The following FDFT1 variants were observed in gnomAD, a reference collection of about 807,000 sequenced individuals.
FDFT1 encodes the protein squalene synthase.
Under a neutral mutation model 46.8 loss-of-function variants are expected in FDFT1, and 68 were observed. The ratio of observed to expected loss-of-function variants is 1.45; its 90% CI spans 1.19 to 1.78. The LOEUF (loss-of-function observed/expected upper bound fraction) is 1.78. Among genes scored for constraint, FDFT1 ranks in the 40% most tolerant of loss-of-function variants. The pLI, the probability that FDFT1 is intolerant of heterozygous loss-of-function variation, is 0.00. For synonymous variants in FDFT1, 351 were observed against 185.1 expected (o/e 1.90, Z -7.28); for missense variants, 928 against 524.4 (o/e 1.77, Z -7.52).
At chr8:11,814,584 T>C (rs1397904105) in intron 3 of FDFT1, among the ~76,000 whole-genome samples, 1 of 152,226 alleles carries the variant, frequency 6.6e-6, no homozygotes, top group African/African-American at 2.4e-5. Context: ...TGTATTGTAT[T>C]TTGCTAACCT....
upstream of FDFT1, among the ~76,000 whole-genome samples, chr8:11,797,741 G>C (rs1382773745): frequency 1.3e-5 from 2 of 151,816 alleles, no homozygotes; most frequent in African/African-American, 4.8e-5. Flanking sequence ...TCCTGAAGCA[G>C]ATTCCACCTG....
chr8:11,834,921 C>A (rs555135587), intron 7 of FDFT1, among the ~76,000 whole-genome samples: 1 of 152,264 alleles, frequency 6.6e-6, no homozygotes, highest in Admixed American at 6.5e-5. Context: ...GTAAGGAGTT[C>A]GAGACCAGCC....
intron 7 of FDFT1, among the ~76,000 whole-genome samples, chr8:11,836,134 CAG>C (rs1025589928): frequency 7.0e-6 from 1 of 143,706 alleles, no homozygotes; most frequent in African/African-American, 2.6e-5. Flanking sequence ...GCCTGGGTGA[CAG>C]AGCGAGACAC....
intron 1 of FDFT1, chr8:11,803,448 T>C (rs1330660244): frequency 1.6e-6 from 2 of 1,283,098 alleles, no homozygotes; most frequent in African/African-American, 3.0e-5. Context: ...AGTTTTAAAA[T>C]CGCCTATCTA....
chr8:11,801,025 C>A (rs978254994), upstream of FDFT1, among the ~76,000 whole-genome samples: 2 of 152,010 alleles, frequency 1.3e-5, no homozygotes, highest in Non-Finnish European at 2.9e-5. Flanking sequence ...GCAAGTAGAC[C>A]CCCACTGGGA....
At chr8:11,838,287 TA>T in intron 7 of FDFT1, 100 bp from the exon 8 acceptor site, 2 of 873,752 alleles carry the variant, frequency 2.3e-6, no homozygotes, top group Non-Finnish European at 3.8e-6. Flanking sequence ...TCCTCATTGG[TA>T]AAATGGGTAT....
At chr8:11,814,521 G>A (rs1808175216) in intron 3 of FDFT1, among the ~76,000 whole-genome samples, 1 of 152,168 alleles carries the variant, frequency 6.6e-6, no homozygotes, top group South Asian at 2.1e-4. Context: ...TCTCTTCACT[G>A]TTTGCAGTAT....
At chr8:11,809,420 C>T in intron 2 of FDFT1, 5 of 1,229,776 alleles carry the variant, frequency 4.1e-6, no homozygotes, top group Non-Finnish European at 4.1e-6. Flanking sequence ...AAATGCAACT[C>T]ACTTCTGGGA....
intron 3 of FDFT1, among the ~76,000 whole-genome samples, chr8:11,814,470 C>T (rs908456793): frequency 2.6e-5 from 4 of 151,646 alleles, no homozygotes; most frequent in African/African-American, 9.8e-5. Flanking sequence ...TTTCTGTAAA[C>T]ACAGACCAGG....
intron 3 of FDFT1, among the ~76,000 whole-genome samples, chr8:11,810,746 G>T (rs1295478874): frequency 2.0e-5 from 3 of 152,082 alleles, no homozygotes; most frequent in African/African-American, 7.2e-5. Context: ...ATTTAGCAAA[G>T]TCACATGTTG....
At chr8:11,804,240 G>A (rs936575448) in intron 1 of FDFT1, among the ~76,000 whole-genome samples, 1 of 152,214 alleles carries the variant, frequency 6.6e-6, no homozygotes, top group African/African-American at 2.4e-5. Flanking sequence ...GGATCTGAGT[G>A]CAGTCAGACC....
upstream of FDFT1, among the ~76,000 whole-genome samples, chr8:11,797,325 T>G (rs1805659888): frequency 6.6e-6 from 1 of 152,212 alleles, no homozygotes; most frequent in Non-Finnish European, 1.5e-5. Flanking sequence ...TCCATTCGTA[T>G]GTTCAGCTTC....
chr8:11,825,336 G>A (rs957760488), intron 4 of FDFT1, among the ~76,000 whole-genome samples: 1 of 152,034 alleles, frequency 6.6e-6, no homozygotes, highest in South Asian at 2.1e-4. Flanking sequence ...GAGGTCAGGA[G>A]TTCGAGACCA....
At chr8:11,804,675 C>G (rs1806591733) in intron 1 of FDFT1, among the ~76,000 whole-genome samples, 1 of 145,082 alleles carries the variant, frequency 6.9e-6, no homozygotes, top group Non-Finnish European at 1.5e-5. Context: ...GGCGGGACCT[C>G]AGCTAGATGC....
chr8:11,799,304 CAG>C (rs1173480959), upstream of FDFT1, among the ~76,000 whole-genome samples: 8 of 152,178 alleles, frequency 5.3e-5, no homozygotes, highest in African/African-American at 1.4e-4. Context: ...GCTGGTGGAA[CAG>C]GGGTTCAATT....
At position 11,808,692 on chromosome 8, in the gene FDFT1, T is replaced by G. The variant is rs140526932; in HGVS notation, c.100-102T>G. On this transcript the variant is annotated intron_variant, in intron 1 of 7. Coordinates refer to ENST00000220584, the MANE Select transcript of FDFT1 (RefSeq NM_004462.5). ...GCCTCGGGGAGAGGGCGGCAGGCTGTGGAGCCGCCTGCCCCAGTCCCACTC... is the reference window on the plus strand; with the variant it reads ...GCCTCGGGGAGAGGGCGGCAGGCTGGGGAGCCGCCTGCCCCAGTCCCACTC... 88 of 1,499,912 alleles carry G rather than the reference T, an allele frequency of 5.9e-5. 1 individual carries two copies. The East Asian group carries it at 2.1e-3, about 36-fold the overall frequency. The allele number at this position is 1,499,912 out of a possible 1,614,324, so 92.9% of individuals were successfully genotyped here. A position where few individuals can be genotyped will look rare whatever the true frequency, so the allele number is the denominator to read the frequency against.
At chr8:11,838,003 C>T (rs1811774266) in intron 7 of FDFT1, among the ~76,000 whole-genome samples, 1 of 152,154 alleles carries the variant, frequency 6.6e-6, no homozygotes, top group Non-Finnish European at 1.5e-5. Flanking sequence ...TGCTTTTGCC[C>T]AGTCTTTCCA....
At position 11,809,142 on chromosome 8, in the gene FDFT1, G is replaced by C. The variant is rs1421121010; in HGVS notation, c.197+251G>C. The C allele has an allele frequency of 8.4e-6, 11 of 1,308,204 alleles. No individual in the cohort carries two copies. The African/African-American group carries it at 1.4e-4, about 16-fold the overall frequency. 81.0% of individuals were successfully genotyped at this position (1,308,204 alleles called of 1,614,324 possible). ...GGGTGATGTTTATTAACTTTTTTTA[G>C]TCTTGGCAGCTGAACCTGCCTGTGA... is the stretch of plus-strand genomic sequence containing the variant. On this transcript the variant is annotated intron_variant, in intron 2 of 7. Coordinates refer to ENST00000220584, the MANE Select transcript of FDFT1 (RefSeq NM_004462.5).
chr8:11,802,992 G>C, intron 1 of FDFT1, 61 bp downstream of exon 1: 1 of 1,543,452 alleles, frequency 6.5e-7, no homozygotes, highest in Non-Finnish European at 8.8e-7. Flanking sequence ...CGGCCTCAGG[G>C]CCTGAGCGGC....
Sources: gnomAD v4.1 joint callset for allele counts (sites outside exome capture counted in the v4.1 genomes callset) on GRCh38, gnomAD v4.1.1 for gene constraint, MANE v1.5 for transcripts, NCBI Gene and HGNC (gene_info 2026-07-23, HGNC 2026-07-21) for gene names.